The following LARP4B variants were observed in gnomAD, a reference collection of about 807,000 sequenced individuals.
LARP4B encodes the protein la-related protein 4B.
A neutral mutation model predicts 89.8 loss-of-function variants in LARP4B; 12 were observed. That is an observed-to-expected ratio of 0.13 (90% CI 0.09 to 0.22). The LOEUF (loss-of-function observed/expected upper bound fraction) is 0.22, where lower values mean the gene tolerates loss of function less well. Among genes scored for constraint, LARP4B ranks in the 10% least tolerant of loss-of-function variants. LARP4B has a pLI of 1.00. For missense variants in LARP4B, 757 were observed against 947.7 expected (o/e 0.80, Z 2.64); for synonymous variants, 367 against 363.3 (o/e 1.01, Z -0.12).
intron 17 of LARP4B, 119 bp from the exon 18 acceptor site, chr10:813,332 A>G: frequency 8.0e-6 from 8 of 995,578 alleles, no homozygotes; most frequent in Non-Finnish European, 1.2e-5. Flanking sequence ...CATCTTCACT[A>G]GTGTTTTTAA....
At chr10:807,637 C>G (rs919299041), downstream of LARP4B, 3 of 152,492 alleles carry the variant, frequency 2.0e-5, no homozygotes, top group Admixed American at 1.3e-4. Context: ...ACCTCCTGAC[C>G]CCACCGGGCG....
chr10:862,589 T>C (rs1359518399), intron 5 of LARP4B, among the ~76,000 whole-genome samples: 5 of 152,066 alleles, frequency 3.3e-5, no homozygotes, highest in African/African-American at 1.2e-4. Context: ...TGAAACCCCA[T>C]CTTTACTAAA....
intron 5 of LARP4B, among the ~76,000 whole-genome samples, chr10:854,894 T>C (rs755669957): frequency 3.3e-5 from 5 of 152,354 alleles, no homozygotes; most frequent in Non-Finnish European, 5.9e-5. Context: ...TTTGTCTCGA[T>C]TGAAAATCTG....
intron 5 of LARP4B, among the ~76,000 whole-genome samples, chr10:860,127 T>TGGGGGGGGGGG (rs60607691): frequency 6.3e-4 from 61 of 96,096 alleles, no homozygotes; most frequent in Non-Finnish European, 7.7e-4. Flanking sequence ...TGTGTGGGGG[T>TGGGGGGGGGGG]GGGGGGGAGG....
At chr10:973,274 C>T in the LARP4B span, among the ~76,000 whole-genome samples, 1 of 152,064 alleles carries the variant, frequency 6.6e-6, no homozygotes. Flanking sequence ...CTTCCTCACA[C>T]AGGGCATGGC....
At chr10:909,187 G>A (rs765917017) in intron 1 of LARP4B, among the ~76,000 whole-genome samples, 78 of 151,910 alleles carry the variant, frequency 5.1e-4, no homozygotes, top group Middle Eastern at 3.4e-3. Context: ...CCAGCTACTC[G>A]GGAGGCTGAG....
At chr10:959,446 T>G in the LARP4B span, among the ~76,000 whole-genome samples, 1 of 41,494 alleles carries the variant, frequency 2.4e-5, no homozygotes, top group South Asian at 1.2e-3. Context: ...TCCCCATCAA[T>G]CCACCTCCCC....
At chr10:920,699 G>A (rs1836954709) in intron 1 of LARP4B, among the ~76,000 whole-genome samples, 1 of 152,134 alleles carries the variant, frequency 6.6e-6, no homozygotes, top group Non-Finnish European at 1.5e-5. Flanking sequence ...TTGAACCCAG[G>A]AGGTGATGAT....
intron 3 of LARP4B, among the ~76,000 whole-genome samples, chr10:867,050 C>G (rs1011336855): frequency 6.6e-6 from 1 of 152,196 alleles, no homozygotes; most frequent in East Asian, 1.9e-4. Context: ...ATATTTTCCA[C>G]TATTTGACAA....
At chr10:836,624 C>A in intron 7 of LARP4B, 118 bp from the exon 8 acceptor site, 1 of 628,022 alleles carries the variant, frequency 1.6e-6, no homozygotes, top group Non-Finnish European at 2.7e-6. Flanking sequence ...TGCAAATGGG[C>A]AAAGTAAACC....
rs151039859 is a variant in LARP4B, at chr10:861,524, C to T, written c.430+2219G>A. Among the ~76,000 whole-genome samples, 530 of 152,230 alleles carry T rather than the reference C, an allele frequency of 3.5e-3. 2 individuals are homozygous for T. Among genetic ancestry groups the T allele is most frequent in the African/African-American group, 0.012 (480 of 41,512 alleles). Reference sequence around the variant, plus strand: ...TTCTTTTTGAAAATAGTTTTAAATACCCCTTTTAAAAAGAATCACCTTTTG... The same window carrying T: ...TTCTTTTTGAAAATAGTTTTAAATATCCCTTTTAAAAAGAATCACCTTTTG... On this transcript the variant is annotated intron_variant, in intron 5 of 17. Transcript: ENST00000316157.
At chr10:859,282 A>AAC in intron 5 of LARP4B, among the ~76,000 whole-genome samples, 1 of 151,950 alleles carries the variant, frequency 6.6e-6, no homozygotes, top group South Asian at 2.1e-4. Context: ...ATTTCAAAAA[A>AAC]AAAAAAAAAT....
intron 8 of LARP4B, among the ~76,000 whole-genome samples, chr10:833,277 A>G (rs1429928482): frequency 7.3e-6 from 1 of 136,354 alleles, no homozygotes; most frequent in African/African-American, 2.7e-5. Flanking sequence ...AAAAAAAAAA[A>G]AAAAAAACCT....
chr10:903,845 T>G (rs943464979), intron 1 of LARP4B, among the ~76,000 whole-genome samples: 1 of 152,188 alleles, frequency 6.6e-6, no homozygotes, highest in African/African-American at 2.4e-5. Context: ...TTTTTTAGAA[T>G]GGCAAAATGT....
chr10:836,327 A>C, intron 8 of LARP4B, 76 bp downstream of exon 8: 1 of 1,073,572 alleles, frequency 9.3e-7, no homozygotes, highest in Non-Finnish European at 1.4e-6. Context: ...AAAAAACACA[A>C]AAGTAAAATA....
At chr10:853,264 G>A (rs1212921455) in intron 5 of LARP4B, among the ~76,000 whole-genome samples, 5 of 152,106 alleles carry the variant, frequency 3.3e-5, no homozygotes, top group East Asian at 1.9e-4. Context: ...TTGCAATAAA[G>A]CAAGTCACAC....
chr10:958,669 C>T, the LARP4B span, among the ~76,000 whole-genome samples: 1 of 152,234 alleles, frequency 6.6e-6, no homozygotes, highest in Non-Finnish European at 1.5e-5. Context: ...CATAGCTCCA[C>T]AGTCACCTGA....
the LARP4B span, among the ~76,000 whole-genome samples, chr10:937,441 A>G: frequency 6.6e-6 from 1 of 152,214 alleles, no homozygotes; most frequent in Non-Finnish European, 1.5e-5. Flanking sequence ...TTGAGGATAT[A>G]GATTATGTAC....
chr10:896,929 AC>A (rs1269254710), intron 1 of LARP4B, among the ~76,000 whole-genome samples: 2 of 151,794 alleles, frequency 1.3e-5, no homozygotes, highest in Admixed American at 6.6e-5. Flanking sequence ...ATGCCAACAA[AC>A]CCCAAATTAA....
Sources: gnomAD v4.1 joint callset for allele counts (sites outside exome capture counted in the v4.1 genomes callset) on GRCh38, gnomAD v4.1.1 for gene constraint, MANE v1.5 for transcripts, NCBI Gene and HGNC (gene_info 2026-07-23, HGNC 2026-07-21) for gene names.